Variants in CCDC6 observed in about 807,000 individuals in gnomAD.
CCDC6 encodes coiled-coil domain containing 6.
In CCDC6, 20 loss-of-function variants were observed where a neutral mutation model predicts 56.6. The observed-to-expected ratio is 0.35, with a 90% confidence interval of 0.25 to 0.51. The LOEUF is 0.51. Ranked by LOEUF, CCDC6 falls within the 20% of genes least tolerant of loss-of-function variation. The probability of loss-of-function intolerance (pLI) is 0.95; values close to 1 mark genes in which losing one functional copy is unlikely to be tolerated. For missense variants in CCDC6, 367 were observed against 601.1 expected (o/e 0.61, Z 4.07); for synonymous variants, 241 against 234.4 (o/e 1.03, Z -0.26).
intron 2 of CCDC6, among the ~76,000 whole-genome samples, chr10:59,844,461 A>G (rs577340262): frequency 6.6e-6 from 1 of 151,044 alleles, no homozygotes; most frequent in Admixed American, 6.6e-5. Flanking sequence ...AAAGATTTTT[A>G]AAGTCCTTGC....
chr10:59,883,623 TA>T (rs2071362393), intron 1 of CCDC6, among the ~76,000 whole-genome samples: 2 of 152,256 alleles, frequency 1.3e-5, no homozygotes, highest in South Asian at 4.1e-4. Flanking sequence ...CTCAAAATTA[TA>T]AATCCTATCC....
chr10:59,823,837 TAAAG>T (rs996624464), intron 3 of CCDC6, among the ~76,000 whole-genome samples: 3 of 152,200 alleles, frequency 2.0e-5, no homozygotes, highest in African/African-American at 7.2e-5. Flanking sequence ...GTTTTGATCA[TAAAG>T]AAACAGACCT....
chr10:59,813,717 T>G (rs1035893099), intron 4 of CCDC6, among the ~76,000 whole-genome samples: 1 of 152,212 alleles, frequency 6.6e-6, no homozygotes, highest in Non-Finnish European at 1.5e-5. Context: ...AAATGACTTT[T>G]CGTAATTCAA....
chr10:59,882,612 G>A (rs1188099124), intron 1 of CCDC6, among the ~76,000 whole-genome samples: 1 of 35,990 alleles, frequency 2.8e-5, no homozygotes. Flanking sequence ...AAGGAAAGCC[G>A]GCGGGAGAAG....
At chr10:59,874,999 G>A (rs1008127624) in intron 1 of CCDC6, among the ~76,000 whole-genome samples, 1 of 152,204 alleles carries the variant, frequency 6.6e-6, no homozygotes, top group Admixed American at 6.5e-5. Context: ...ATTTGTTACA[G>A]CAGCAACAGG....
At chr10:59,880,585 T>TG (rs777523498) in intron 1 of CCDC6, among the ~76,000 whole-genome samples, 1 of 152,324 alleles carries the variant, frequency 6.6e-6, no homozygotes, top group East Asian at 1.9e-4. Flanking sequence ...AAGTTACACA[T>TG]GTGCCTTCAA....
At chr10:59,797,181 A>G (rs1405436581) in intron 7 of CCDC6, among the ~76,000 whole-genome samples, 1 of 152,162 alleles carries the variant, frequency 6.6e-6, no homozygotes, top group Non-Finnish European at 1.5e-5. Flanking sequence ...GGTTCCACTT[A>G]TATGAGGAGT....
chr10:59,858,398 A>C (rs1250598833), intron 1 of CCDC6, among the ~76,000 whole-genome samples: 3 of 152,178 alleles, frequency 2.0e-5, no homozygotes, highest in Non-Finnish European at 2.9e-5. Context: ...CAGGGATTGG[A>C]GCAGAATCAT....
intron 1 of CCDC6, among the ~76,000 whole-genome samples, chr10:59,857,216 T>C (rs938366948): frequency 6.6e-6 from 1 of 152,130 alleles, no homozygotes; most frequent in East Asian, 1.9e-4. Flanking sequence ...CCAAGTCCTG[T>C]GGGAAAAATA....
intron 2 of CCDC6, among the ~76,000 whole-genome samples, chr10:59,848,204 G>T (rs2071009829): frequency 6.6e-6 from 1 of 152,174 alleles, no homozygotes; most frequent in Admixed American, 6.5e-5. Context: ...GAATCACTGG[G>T]TAAGTAATTT....
chr10:59,902,049 C>G (rs548996105), intron 1 of CCDC6, among the ~76,000 whole-genome samples: 3 of 152,248 alleles, frequency 2.0e-5, no homozygotes, highest in Non-Finnish European at 4.4e-5. Flanking sequence ...CTTTTAAGCC[C>G]CAAATAAAAT....
At chr10:59,793,740 T>A (rs2070488181) in intron 8 of CCDC6, among the ~76,000 whole-genome samples, 1 of 149,076 alleles carries the variant, frequency 6.7e-6, no homozygotes, top group Non-Finnish European at 1.5e-5. Flanking sequence ...GCAGACATCA[T>A]GCTGCTGAAC....
rs1564738555 is a variant in CCDC6 at position 59,806,904 on chromosome 10, C to T, written c.1004+18G>A. The stretch of plus-strand genomic sequence containing the variant: ...TTATTTTTTAAACAAAAACAAGGCT[C>T]ATAAGACATGCACACACCTTTCGTC... On this transcript the variant is annotated intron_variant, in intron 6 of 8. Transcript: ENST00000263102. The T allele has an allele frequency of 1.2e-5, 19 of 1,606,338 alleles. No homozygotes were observed. Among genetic ancestry groups the T allele is most frequent in the Non-Finnish European group, 1.5e-5 (18 of 1,177,196 alleles).
intron 1 of CCDC6, among the ~76,000 whole-genome samples, chr10:59,880,570 G>C (rs894830457): frequency 2.0e-5 from 3 of 152,082 alleles, no homozygotes; most frequent in Admixed American, 2.0e-4. Context: ...TCGTGATCTG[G>C]GTGCAAGTTA....
chr10:59,853,817 T>G (rs1409063565), intron 1 of CCDC6, among the ~76,000 whole-genome samples: 3 of 152,138 alleles, frequency 2.0e-5, no homozygotes, highest in African/African-American at 7.2e-5. Context: ...TTTGAAGGCA[T>G]TATTCAATGG....
chr10:59,874,944 T>G (rs1050202118), intron 1 of CCDC6, among the ~76,000 whole-genome samples: 2 of 152,218 alleles, frequency 1.3e-5, no homozygotes, highest in African/African-American at 2.4e-5. Context: ...TATACAACTA[T>G]GAGATGATAA....
Position 59,845,224 on chromosome 10 carries a change from C to T in CCDC6, c.453+7329G>A, listed in dbSNP as rs562619722. ...AAAGCAAGTTTAACTCCAGCTTCACCTAATTATTTTTATCTTTCTTTTCTT... is the reference window on the plus strand; with the variant it reads ...AAAGCAAGTTTAACTCCAGCTTCACTTAATTATTTTTATCTTTCTTTTCTT... On this transcript the variant is annotated intron_variant, in intron 2 of 8. Transcript: ENST00000263102. Among the ~76,000 whole-genome samples the T allele has an allele frequency of 2.6e-5, 4 of 152,184 alleles. No individual in the cohort carries two copies. The East Asian group carries it at 7.7e-4, about 29-fold the overall frequency.
intron 3 of CCDC6, among the ~76,000 whole-genome samples, chr10:59,817,284 A>G (rs972686939): frequency 1.3e-5 from 2 of 152,150 alleles, no homozygotes; most frequent in Non-Finnish European, 2.9e-5. Flanking sequence ...GGGCTCAGGC[A>G]TTCCTCCTGC....
chr10:59,861,651 T>G (rs1045986530), intron 1 of CCDC6, among the ~76,000 whole-genome samples: 2 of 152,110 alleles, frequency 1.3e-5, no homozygotes, highest in Non-Finnish European at 2.9e-5. Flanking sequence ...TAAATGGAAA[T>G]GACAGGAATT....
Sources: allele counts gnomAD v4.1 joint callset (sites outside exome capture counted in the v4.1 genomes callset), GRCh38; gene constraint gnomAD v4.1.1; transcripts MANE v1.5; gene names NCBI Gene and HGNC (gene_info 2026-07-23, HGNC 2026-07-21).